TIAM1: variants seen among roughly 807,000 people sequenced by gnomAD.
TIAM1 encodes rho guanine nucleotide exchange factor TIAM1.
In TIAM1, 65 loss-of-function variants were observed where a neutral mutation model predicts 163.5. The observed-to-expected ratio is 0.40, with a 90% CI of 0.33 to 0.49. The LOEUF (loss-of-function observed/expected upper bound fraction) is 0.49. Ranked by LOEUF, TIAM1 falls within the 20% of genes least tolerant of loss-of-function variation. The probability of loss-of-function intolerance (pLI) is 0.77; values close to 1 mark genes in which losing one functional copy is unlikely to be tolerated. For synonymous variants in TIAM1, 833 were observed against 810.1 expected (o/e 1.03, Z -0.48); for missense variants, 1,789 against 2,044.7 (o/e 0.87, Z 2.41).
chr21:31,438,072 C>A (rs1602277733), intron 2 of TIAM1, among the ~76,000 whole-genome samples: 1 of 151,912 alleles, frequency 6.6e-6, no homozygotes, highest in Non-Finnish European at 1.5e-5. Context: ...AGCAGCTACC[C>A]TCATCAACTA....
Position 31,124,513 on chromosome 21 carries a change from C to A in TIAM1, c.4306+9G>T. The A allele has an allele frequency of 6.2e-7, 1 of 1,612,364 alleles. No homozygotes were observed. The highest frequency in any genetic ancestry group is 8.5e-7 in the Non-Finnish European group (1 of 1,179,810). On this transcript the variant is annotated intron_variant, in intron 27 of 27. Coordinates refer to ENST00000541036, the MANE Select transcript of TIAM1 (RefSeq NM_001353694.2). ...ACGGGAATCTTGAACGTCCGAATCCCCACAGTACCTGCCCTGCTCATGGCC... is the reference window on the plus strand; with the variant it reads ...ACGGGAATCTTGAACGTCCGAATCCACACAGTACCTGCCCTGCTCATGGCC...
At chr21:31,516,195 T>C (rs1311819968) in intron 1 of TIAM1, among the ~76,000 whole-genome samples, 1 of 151,576 alleles carries the variant, frequency 6.6e-6, no homozygotes. Context: ...GCAGATCACC[T>C]GAGGCCAGGA....
chr21:31,520,972 G>A (rs534446003), intron 1 of TIAM1, among the ~76,000 whole-genome samples: 23 of 152,324 alleles, frequency 1.5e-4, no homozygotes, highest in African/African-American at 5.1e-4. Context: ...CCTGGCAAAT[G>A]TCAGGGGTTT....
chr21:31,547,486 GGGAAAAAA>G (rs1389490689), intron 1 of TIAM1, among the ~76,000 whole-genome samples: 2 of 151,982 alleles, frequency 1.3e-5, no homozygotes, highest in Non-Finnish European at 2.9e-5. Flanking sequence ...CGTCAGCAGG[GGGAAAAAA>G]GGAAAAAAAC....
intron 2 of TIAM1, among the ~76,000 whole-genome samples, chr21:31,298,379 C>T (rs1294918332): frequency 2.6e-5 from 4 of 152,154 alleles, no homozygotes; most frequent in Admixed American, 2.6e-4. Context: ...TGTAAACTGT[C>T]TATTGAAAAC....
intron 2 of TIAM1, among the ~76,000 whole-genome samples, chr21:31,278,211 T>C (rs2073390541): frequency 6.6e-6 from 1 of 152,204 alleles, no homozygotes; most frequent in Non-Finnish European, 1.5e-5. Context: ...GAACTTTCCA[T>C]TGTATACACG....
intron 11 of TIAM1, among the ~76,000 whole-genome samples, chr21:31,203,904 G>A (rs937731373): frequency 3.9e-5 from 6 of 152,298 alleles, no homozygotes; most frequent in South Asian, 4.1e-4. Context: ...GCTAATAGGC[G>A]TGTGTCCAAC....
chr21:31,211,194 T>C (rs2146567647), intron 10 of TIAM1, among the ~76,000 whole-genome samples: 1 of 152,222 alleles, frequency 6.6e-6, no homozygotes, highest in East Asian at 1.9e-4. Flanking sequence ...GAATGAAGTT[T>C]GTGAATGTGG....
intron 2 of TIAM1, among the ~76,000 whole-genome samples, chr21:31,301,800 A>G (rs1296541367): frequency 6.6e-6 from 1 of 151,770 alleles, no homozygotes; most frequent in Non-Finnish European, 1.5e-5. Flanking sequence ...AGATTGCGTC[A>G]TTGCACTCCA....
chr21:31,206,036 CTTT>C (rs1400382136), intron 11 of TIAM1, among the ~76,000 whole-genome samples: 1 of 152,082 alleles, frequency 6.6e-6, no homozygotes, highest in Non-Finnish European at 1.5e-5. Flanking sequence ...TTTCAAACTT[CTTT>C]AAGTTACAAT....
Position 31,295,401 on chromosome 21 carries a change from C to T in TIAM1, c.-188-18493G>A, listed in dbSNP as rs1304195313. Among the ~76,000 whole-genome samples, 4 of 135,716 alleles carry T rather than the reference C, an allele frequency of 2.9e-5. No homozygotes were observed. In the East Asian group the frequency reaches 7.6e-4, roughly 26 times the overall value. The allele number at this position is 135,716 out of a possible 152,430, so 89.0% of individuals were successfully genotyped here. On this transcript the variant is annotated intron_variant, in intron 2 of 27. Coordinates refer to ENST00000541036, the MANE Select transcript of TIAM1 (RefSeq NM_001353694.2). ...AGGAGAATGGCGTGAACCCAGGAGG[C>T]GGAGCTTGCAGTGCGCCGAGATCAC...
intron 2 of TIAM1, among the ~76,000 whole-genome samples, chr21:31,303,775 C>T (rs537445257): frequency 2.0e-5 from 3 of 152,004 alleles, no homozygotes; most frequent in South Asian, 4.2e-4. Context: ...GTCAGGAGTT[C>T]GAGACCAGCC....
At chr21:31,159,768 TTAA>T (rs1223265904) in intron 16 of TIAM1, among the ~76,000 whole-genome samples, 1 of 152,244 alleles carries the variant, frequency 6.6e-6, no homozygotes, top group Non-Finnish European at 1.5e-5. Flanking sequence ...GACTGAGCTA[TTAA>T]TAATAAACTA....
At chr21:31,399,371 G>A (rs968355472) in intron 2 of TIAM1, among the ~76,000 whole-genome samples, 1 of 151,870 alleles carries the variant, frequency 6.6e-6, no homozygotes, top group Non-Finnish European at 1.5e-5. Flanking sequence ...ATCTATTAAA[G>A]TTTTAAAAAT....
chr21:31,340,755 CG>C (rs1480109389), intron 1 of TIAM1, among the ~76,000 whole-genome samples: 1 of 151,384 alleles, frequency 6.6e-6, no homozygotes, highest in Non-Finnish European at 1.5e-5. Context: ...TGCCAAGTTT[CG>C]GGCTTTGTAC....
At chr21:31,536,493 C>T (rs1013309286) in intron 1 of TIAM1, among the ~76,000 whole-genome samples, 4 of 152,214 alleles carry the variant, frequency 2.6e-5, no homozygotes, top group African/African-American at 9.7e-5. Flanking sequence ...TTCAGGACAG[C>T]CGGGACCCAC....
At position 31,153,133 on chromosome 21, in the gene TIAM1, T is replaced by C; in HGVS notation, c.3173A>G (p.Asp1058Gly). The C allele has an allele frequency of 6.2e-7, 1 of 1,607,342 alleles. No homozygotes were observed. Among genetic ancestry groups the C allele is most frequent in the East Asian group, 2.2e-5 (1 of 44,836 alleles). ...GTATCTCTCCATAAGACAGTTTAAA[T>C]CCTAAGAATTGAAAAGAGAACTCAT... ...LLETERTYVK[D>G]LNCLMERYLK... Residue 1058 changes from aspartate to glycine, a missense_variant and splice_region_variant, in exon 18 of 28, where the codon GAT becomes GGT. Coordinates refer to ENST00000541036, the MANE Select transcript of TIAM1 (RefSeq NM_001353694.2).
intron 6 of TIAM1, among the ~76,000 whole-genome samples, chr21:31,235,874 C>A (rs2088725026): frequency 6.6e-6 from 1 of 152,240 alleles, no homozygotes; most frequent in African/African-American, 2.4e-5. Flanking sequence ...TAAAATCTAG[C>A]TGATTTCCAG....
intron 1 of TIAM1, among the ~76,000 whole-genome samples, chr21:31,508,717 G>C (rs139525908): frequency 4.6e-5 from 7 of 152,016 alleles, no homozygotes; most frequent in South Asian, 2.1e-4. Context: ...ACCAACTTTC[G>C]ATCCTGGCCT....
Sources: allele counts gnomAD v4.1 joint callset (sites outside exome capture counted in the v4.1 genomes callset), GRCh38; gene constraint gnomAD v4.1.1; transcripts MANE v1.5; gene names NCBI Gene and HGNC (gene_info 2026-07-23, HGNC 2026-07-21).